Variants in PDGFD observed in about 807,000 individuals in gnomAD.
PDGFD encodes the protein platelet-derived growth factor D.
In PDGFD, 30 loss-of-function variants were observed where a neutral mutation model predicts 44.7. The observed-to-expected ratio is 0.67, with a 90% confidence interval of 0.50 to 0.91. The LOEUF (loss-of-function observed/expected upper bound fraction) is 0.91, where lower values mean the gene tolerates loss of function less well. PDGFD is among the 40% of genes least tolerant of loss of function. The pLI, the probability that PDGFD is intolerant of heterozygous loss-of-function variation, is 0.00. For synonymous variants in PDGFD, 173 were observed against 168.4 expected (o/e 1.03, Z -0.21); for missense variants, 445 against 457.8 (o/e 0.97, Z 0.25).
At chr11:103,945,539 G>A (rs1231824155) in intron 4 of PDGFD, 1 of 152,140 alleles carries the variant, frequency 6.6e-6, no homozygotes, top group Non-Finnish European at 1.5e-5. Context: ...AACTCAAAAT[G>A]AGCTGACGAA....
intron 6 of PDGFD, among the ~76,000 whole-genome samples, chr11:103,925,744 T>C (rs1244013133): frequency 1.4e-5 from 2 of 145,990 alleles, no homozygotes; most frequent in African/African-American, 5.0e-5. Flanking sequence ...TATGTAATTT[T>C]TTTTTTGAGA....
Position 103,908,780 on chromosome 11 carries a change from C to G in PDGFD, c.*914G>C, listed in dbSNP as rs990344942. On this transcript the variant is annotated 3_prime_UTR_variant, in exon 7 of 7. Coordinates refer to ENST00000393158, the MANE Select transcript of PDGFD (RefSeq NM_025208.5). ...TTCACTTTTTAAGTTCTCAACTACC[C>G]ACATCTTTCACTGAACACCATCTGG... 1 of 152,164 alleles carries G rather than the reference C, an allele frequency of 6.6e-6. No homozygotes were observed. The highest frequency in any genetic ancestry group is 2.4e-5 in the African/African-American group (1 of 41,448). 9.4% of individuals were successfully genotyped at this position (152,164 alleles called of 1,614,324 possible). A position where few individuals can be genotyped will look rare whatever the true frequency, so the allele number is the denominator to read the frequency against.
At chr11:103,960,851 G>C (rs1858924067) in intron 3 of PDGFD, among the ~76,000 whole-genome samples, 1 of 135,192 alleles carries the variant, frequency 7.4e-6, no homozygotes, top group South Asian at 2.1e-4. Context: ...GCCCACACAT[G>C]GTAGAGAGAG....
chr11:104,037,092 C>T (rs753122111), intron 1 of PDGFD: 1 of 1,614,214 alleles, frequency 6.2e-7, no homozygotes, highest in South Asian at 1.1e-5. Flanking sequence ...GTGCCCCGAA[C>T]CAGCCTCGTG....
chr11:104,114,806 G>T (rs758220290), intron 1 of PDGFD, among the ~76,000 whole-genome samples: 27 of 150,818 alleles, frequency 1.8e-4, no homozygotes, highest in Non-Finnish European at 3.1e-4. Context: ...TATAGACCCC[G>T]TACATATTTC....
At chr11:104,139,005 G>A (rs953080311) in intron 1 of PDGFD, among the ~76,000 whole-genome samples, 5 of 152,138 alleles carry the variant, frequency 3.3e-5, no homozygotes, top group East Asian at 3.9e-4. Flanking sequence ...CAGGTGATCC[G>A]CCTGCCTCAG....
intron 1 of PDGFD, among the ~76,000 whole-genome samples, chr11:104,094,292 G>A (rs1861251969): frequency 1.3e-5 from 2 of 151,700 alleles, no homozygotes; most frequent in African/African-American, 4.8e-5. Flanking sequence ...CCTCTAACTC[G>A]ATCCTCAAAG....
intron 1 of PDGFD, among the ~76,000 whole-genome samples, chr11:104,001,105 T>C (rs147056875): frequency 6.6e-6 from 1 of 152,248 alleles, no homozygotes; most frequent in Non-Finnish European, 1.5e-5. Context: ...GGAGCCATTA[T>C]GACATTCAAC....
chr11:103,935,140 G>C (rs1288709174), intron 5 of PDGFD, among the ~76,000 whole-genome samples: 3 of 152,104 alleles, frequency 2.0e-5, no homozygotes, highest in Admixed American at 6.6e-5. Context: ...CTGTCAACTG[G>C]ATTTTTCCTA....
intron 1 of PDGFD, among the ~76,000 whole-genome samples, chr11:104,116,734 C>T (rs1340080089): frequency 6.6e-6 from 1 of 151,848 alleles, no homozygotes; most frequent in Admixed American, 6.6e-5. Flanking sequence ...AATTCCCATG[C>T]ATTGTGGGAG....
chr11:103,962,767 ATCT>A (rs1244430783), intron 3 of PDGFD, among the ~76,000 whole-genome samples: 1 of 152,208 alleles, frequency 6.6e-6, no homozygotes, highest in Non-Finnish European at 1.5e-5. Flanking sequence ...TGGGAAAAAT[ATCT>A]TCTTTCCTCC....
intron 1 of PDGFD, among the ~76,000 whole-genome samples, chr11:104,005,696 C>T (rs567784807): frequency 6.6e-6 from 1 of 152,226 alleles, no homozygotes; most frequent in African/African-American, 2.4e-5. Flanking sequence ...ATTATCCCCA[C>T]TTTACAAAGG....
chr11:104,005,213 AAG>A (rs1361112042), intron 1 of PDGFD, among the ~76,000 whole-genome samples: 2 of 152,150 alleles, frequency 1.3e-5, no homozygotes, highest in East Asian at 3.9e-4. Context: ...AATTCTGGGG[AAG>A]AGAGAGGTCT....
chr11:104,038,386 C>T (rs1860289786), intron 1 of PDGFD: 1 of 204,450 alleles, frequency 4.9e-6, no homozygotes, highest in Admixed American at 5.3e-5. Flanking sequence ...TGGCTGCAGA[C>T]CTTACAAGGC....
At chr11:104,015,587 A>T (rs1859849145) in intron 1 of PDGFD, among the ~76,000 whole-genome samples, 1 of 152,256 alleles carries the variant, frequency 6.6e-6, no homozygotes, top group Non-Finnish European at 1.5e-5. Flanking sequence ...TAAAGAAAAC[A>T]GTACATTCAA....
rs1163928164 is a variant in PDGFD, at chr11:103,909,223, T to C, written c.*471A>G. 6.5e-6 allele frequency: 1 copy of C among 152,878 alleles called. No individual in the cohort carries two copies. Among genetic ancestry groups the C allele is most frequent in the Admixed American group, 6.5e-5 (1 of 15,424 alleles). The allele number at this position is 152,878 out of a possible 1,614,324, so 9.5% of individuals were successfully genotyped here. Reference sequence around the variant, plus strand: ...TTTTTAATATACAAGATGCTTTCTTTAAGAGAGCAAGATTCAAAATTGTTT... The same window carrying C: ...TTTTTAATATACAAGATGCTTTCTTCAAGAGAGCAAGATTCAAAATTGTTT... On this transcript the variant is annotated 3_prime_UTR_variant, in exon 7 of 7. Coordinates refer to ENST00000393158, the MANE Select transcript of PDGFD (RefSeq NM_025208.5).
chr11:103,988,864 T>G (rs982774595), intron 3 of PDGFD, among the ~76,000 whole-genome samples: 2 of 152,202 alleles, frequency 1.3e-5, no homozygotes, highest in African/African-American at 4.8e-5. Context: ...AATTCTATAT[T>G]TTCCCTAATC....
intron 1 of PDGFD, among the ~76,000 whole-genome samples, chr11:104,030,892 C>A (rs570676797): frequency 1.3e-5 from 2 of 152,252 alleles, no homozygotes; most frequent in South Asian, 4.2e-4. Flanking sequence ...TTATCCCAAA[C>A]AAATAACCTC....
intron 5 of PDGFD, among the ~76,000 whole-genome samples, chr11:103,929,498 C>G (rs1858368387): frequency 6.6e-6 from 1 of 152,208 alleles, no homozygotes; most frequent in African/African-American, 2.4e-5. Flanking sequence ...CTATTTGAAA[C>G]CAAACTCCTC....
Sources: allele counts gnomAD v4.1 joint callset (sites outside exome capture counted in the v4.1 genomes callset), GRCh38; gene constraint gnomAD v4.1.1; transcripts MANE v1.5; gene names NCBI Gene and HGNC (gene_info 2026-07-23, HGNC 2026-07-21).